RFX7: variants seen among roughly 807,000 people sequenced by gnomAD.
RFX7 encodes regulatory factor X7.
A neutral mutation model predicts 111.8 loss-of-function variants in RFX7; 26 were observed. The ratio of observed to expected loss-of-function variants is 0.23; its 90% CI spans 0.17 to 0.32. The LOEUF is 0.32. Ranked by LOEUF, RFX7 falls within the 10% of genes least tolerant of loss-of-function variation. The pLI is 1.00. For missense variants in RFX7, 1,573 were observed against 1,772.9 expected (o/e 0.89, Z 2.02); for synonymous variants, 624 against 624.4 (o/e 1.00, Z 0.01).
At chr15:56,143,262 C>T (rs1567025289) in intron 4 of RFX7, among the ~76,000 whole-genome samples, 1 of 151,780 alleles carries the variant, frequency 6.6e-6, no homozygotes, top group Non-Finnish European at 1.5e-5. Context: ...ATAAAAATTG[C>T]TTATTTCTAT....
In RFX7 at chr15:56,094,453, T is replaced by C; in HGVS notation, c.3275A>G (p.Asp1092Gly). 1 of 1,613,862 alleles carries C rather than the reference T, an allele frequency of 6.2e-7. No homozygotes were observed. The highest frequency in any genetic ancestry group is 8.5e-7 in the Non-Finnish European group (1 of 1,179,838). Reference protein sequence around the residue: ...ILPSYQELVEDRFRKPHAFAV... With the variant: ...ILPSYQELVEGRFRKPHAFAV... Reference sequence around the variant, plus strand: ...AAAAGCATGAGGTTTCCTGAAACGGTCTTCCACTAGTTCCTGATAGCTTGG... The same window carrying C: ...AAAAGCATGAGGTTTCCTGAAACGGCCTTCCACTAGTTCCTGATAGCTTGG... Residue 1092 changes from aspartate to glycine, a missense_variant, in exon 10 of 10, where the codon GAC becomes GGC. Physicochemically the swap from Asp to Gly is moderately conservative, Grantham distance 94 (BLOSUM62 -1). Around this residue, in one of 7 missense-constraint regions of RFX7, gnomAD observed 411 missense variants for 478.1 expected, o/e 0.86. Coordinates refer to ENST00000559447, the MANE Select transcript of RFX7 (RefSeq NM_022841.7).
In RFX7 at chr15:56,103,568, T is replaced by C; in HGVS notation, c.504A>G (p.Thr168=). ...GTAAAGGATATTTAGATTTGCCTCT[T>C]GTGCCCAAACGACGTGCCTTCATGT... The part of the protein sequence containing the change: ...FPNMKARRLG[T]RGKSKYCYSG... The change falls in exon 6 of 10, where the codon ACA becomes ACG. Residue 168 remains threonine (T), a synonymous_variant. Transcript: ENST00000559447. 1.2e-6 allele frequency: 2 copies of C among 1,604,996 alleles called. No individual in the cohort carries two copies. Among genetic ancestry groups the C allele is most frequent in the Non-Finnish European group, 1.7e-6 (2 of 1,175,092 alleles).
rs1452910685 is a variant in RFX7, at chr15:56,095,596, C to T, written c.2132G>A (p.Gly711Asp). 1 of 1,613,958 alleles carries T rather than the reference C, an allele frequency of 6.2e-7. No homozygotes were observed. The highest frequency in any genetic ancestry group is 8.5e-7 in the Non-Finnish European group (1 of 1,179,846). The change falls in exon 10 of 10, where the codon GGT becomes GAT. Residue 711 changes from glycine (G) to aspartate (D), a missense_variant. Physicochemically the swap from Gly to Asp is moderately conservative, Grantham distance 94 (BLOSUM62 -1). This residue lies in a region of RFX7 where 625 missense variants were observed against 632.2 expected (regional missense o/e 0.99). Coordinates refer to ENST00000559447, the MANE Select transcript of RFX7 (RefSeq NM_022841.7). ...TGATACCTTGCTAGGAATCTGAGCACCTGCTGTTGAACCTTCTGTTTTCCC... is the reference window on the plus strand; with the variant it reads ...TGATACCTTGCTAGGAATCTGAGCATCTGCTGTTGAACCTTCTGTTTTCCC... ...HSGKTEGSTA[G>D]AQIPSKVSVN...
At chr15:56,112,379 C>CAAAAAAAAAAAAAA (rs71110374) in intron 5 of RFX7, among the ~76,000 whole-genome samples, 16 of 71,760 alleles carry the variant, frequency 2.2e-4, no homozygotes, top group African/African-American at 4.0e-4. Context: ...GAGTACAAAT[C>CAAAAAAAAAAAAAA]AAAAAAAAAA....
intron 5 of RFX7, among the ~76,000 whole-genome samples, chr15:56,140,446 A>C (rs1240622694): frequency 6.6e-6 from 1 of 152,218 alleles, no homozygotes; most frequent in Non-Finnish European, 1.5e-5. Context: ...GCGCTTCCCA[A>C]GTGAGGCAAT....
At chr15:56,130,023 C>G (rs1257773087) in intron 5 of RFX7, among the ~76,000 whole-genome samples, 3 of 152,068 alleles carry the variant, frequency 2.0e-5, no homozygotes, top group Non-Finnish European at 2.9e-5. Context: ...TATTGAAACT[C>G]TACTAAGGAT....
chr15:56,212,981 ATATACC>A (rs1286214902), intron 2 of RFX7, among the ~76,000 whole-genome samples: 8 of 152,226 alleles, frequency 5.3e-5, no homozygotes, highest in African/African-American at 1.9e-4. Flanking sequence ...ACTGTATACT[ATATACC>A]TATAAGAACA....
intron 2 of RFX7, among the ~76,000 whole-genome samples, chr15:56,233,427 G>A (rs536825258): frequency 6.6e-6 from 1 of 152,216 alleles, no homozygotes; most frequent in South Asian, 2.1e-4. Context: ...GGGAATTATG[G>A]GAGCTACAAT....
At chr15:56,243,351 C>A (rs1308706420) in intron 1 of RFX7, 64 bp from the exon 2 acceptor site, 1 of 534,640 alleles carries the variant, frequency 1.9e-6, no homozygotes, top group Non-Finnish European at 2.3e-6. Context: ...GGGAAGAGAC[C>A]GGGAGGGGAG....
Position 56,218,532 on chromosome 15 carries a change from G to C in RFX7, c.161+24593C>G, listed in dbSNP as rs548302814. ...GAACATCCCTGGTTTTGTTACCTAT[G>C]GGGGTCCTGGAACCAATTCCCCACA... On this transcript the variant is annotated intron_variant, in intron 2 of 9. Coordinates refer to ENST00000559447, the MANE Select transcript of RFX7 (RefSeq NM_022841.7). Among the ~76,000 whole-genome samples the C allele has an allele frequency of 2.0e-5, 3 of 152,248 alleles. No individual in the cohort carries two copies. The East Asian group carries it at 5.8e-4, about 29-fold the overall frequency.
At position 56,095,622 on chromosome 15, in the gene RFX7, T is replaced by C. The variant is rs1205193976; in HGVS notation, c.2106A>G (p.Ser702=). Residue 702 remains serine (S), a synonymous_variant, in exon 10 of 10, where the codon TCA becomes TCG. Coordinates refer to ENST00000559447, the MANE Select transcript of RFX7 (RefSeq NM_022841.7). ...SVKKDQKVPH[S]GKTEGSTAGA... is the part of the protein sequence containing the mutation. The stretch of plus-strand genomic sequence containing the variant: ...CTGCTGTTGAACCTTCTGTTTTCCC[T>C]GAATGTGGAACCTTTTGGTCCTTCT... 3.7e-6 allele frequency: 6 copies of C among 1,613,918 alleles called. No individual in the cohort carries two copies. The highest frequency in any genetic ancestry group is 5.1e-6 in the Non-Finnish European group (6 of 1,179,888).
At chr15:56,127,976 G>A (rs1465158153) in intron 5 of RFX7, among the ~76,000 whole-genome samples, 1 of 150,106 alleles carries the variant, frequency 6.7e-6, no homozygotes, top group African/African-American at 2.4e-5. Context: ...TGAATAAAAT[G>A]TACTACAAGG....
At chr15:56,131,521 A>G (rs963628622) in intron 5 of RFX7, among the ~76,000 whole-genome samples, 7 of 149,496 alleles carry the variant, frequency 4.7e-5, no homozygotes, top group Non-Finnish European at 7.4e-5. Flanking sequence ...GGCCTCCCAA[A>G]GTGTTGGGAT....
intron 9 of RFX7, among the ~76,000 whole-genome samples, 174 bp from the exon 10 acceptor site, chr15:56,096,794 G>A (rs892072687): frequency 2.6e-5 from 4 of 152,178 alleles, no homozygotes; most frequent in Admixed American, 1.3e-4. Flanking sequence ...ACACATAAAT[G>A]TAACAAATGC....
At chr15:56,167,975 A>G (rs2042802486) in intron 3 of RFX7, among the ~76,000 whole-genome samples, 1 of 152,224 alleles carries the variant, frequency 6.6e-6, no homozygotes, top group Admixed American at 6.5e-5. Flanking sequence ...ATTACTTTCT[A>G]TTTGGAAAAA....
upstream of RFX7, chr15:56,244,203 C>T (rs1170939464): frequency 1.3e-5 from 2 of 152,186 alleles, no homozygotes; most frequent in Admixed American, 6.5e-5. Flanking sequence ...AAAGAGAAAT[C>T]AACATTATCC....
At chr15:56,141,656 A>ATATATATATATATATATATATAT (rs1555421058) in intron 5 of RFX7, among the ~76,000 whole-genome samples, 1 of 83,208 alleles carries the variant, frequency 1.2e-5, no homozygotes, top group African/African-American at 6.6e-5. Context: ...GCTTACTCTA[A>ATATATATATATATATATATATAT]ATATATATAT....
chr15:56,102,927 T>C (rs2041776548), intron 6 of RFX7, among the ~76,000 whole-genome samples: 1 of 152,274 alleles, frequency 6.6e-6, no homozygotes, highest in Non-Finnish European at 1.5e-5. Context: ...AGACCCTCTA[T>C]TTTACAATCT....
intron 2 of RFX7, among the ~76,000 whole-genome samples, chr15:56,180,662 T>TTGGGAGGCAGAGGCAGG (rs1176723685): frequency 1.3e-5 from 2 of 151,476 alleles, no homozygotes; most frequent in African/African-American, 2.4e-5. Context: ...TCCCAGCACT[T>TTGGGAGGCAGAGGCAGG]TGGGAGGCAG....
Sources: gnomAD v4.1 joint callset for allele counts (sites outside exome capture counted in the v4.1 genomes callset) on GRCh38, gnomAD v4.1.1 for gene constraint, gnomAD v4.1.1 regional missense constraint, MANE v1.5 for transcripts, NCBI Gene and HGNC (gene_info 2026-07-23, HGNC 2026-07-21) for gene names.